Variants in JMJD1C observed in about 807,000 individuals in gnomAD.
JMJD1C encodes jumonji domain containing 1C.
In JMJD1C, 31 loss-of-function variants were observed where a neutral mutation model predicts 245.3. The ratio of observed to expected loss-of-function variants is 0.13; its 90% confidence interval spans 0.09 to 0.17. The LOEUF (loss-of-function observed/expected upper bound fraction) is 0.17, where lower values mean the gene tolerates loss of function less well. Among genes scored for constraint, JMJD1C ranks in the 10% least tolerant of loss-of-function variants. The pLI is 1.00. For missense variants in JMJD1C, 2,691 were observed against 3,000.2 expected (o/e 0.90, Z 2.41); for synonymous variants, 1,057 against 1,017.4 (o/e 1.04, Z -0.74).
At chr10:63,424,497 CTTTTTTT>C (rs59823871) in intron 1 of JMJD1C, among the ~76,000 whole-genome samples, 19 of 103,384 alleles carry the variant, frequency 1.8e-4, no homozygotes, top group Middle Eastern at 8.8e-3. Context: ...ATTATTATTT[CTTTTTTT>C]TTTTTTTTTT....
chr10:63,492,729 A>G lies in JMJD1C; in HGVS notation n.113+29009T>C, dbSNP rs377209189. 4.0e-4 allele frequency among the ~76,000 whole-genome samples: 61 copies of G among 152,312 alleles called. 1 individual carries two copies. In the South Asian group the frequency reaches 0.012, roughly 29 times the overall value. On this transcript the variant is annotated intron_variant and non_coding_transcript_variant, in intron 1 of 3. Transcript: ENST00000633035. The stretch of plus-strand genomic sequence containing the variant: ...ATAAAAGATTATTTTTAAAAAGCAC[A>G]TTAATAAAAATAATCACTAAAAATA...
chr10:63,396,895 T>C (rs1173133686), intron 1 of JMJD1C, among the ~76,000 whole-genome samples: 1 of 149,668 alleles, frequency 6.7e-6, no homozygotes. Flanking sequence ...TATACCTTCA[T>C]ATCACAGCCA....
At chr10:63,393,626 G>C (rs936048697) in intron 1 of JMJD1C, among the ~76,000 whole-genome samples, 10 of 152,076 alleles carry the variant, frequency 6.6e-5, no homozygotes, top group Non-Finnish European at 1.5e-4. Flanking sequence ...CCAAGATATG[G>C]AATCAACCTG....
chr10:63,186,420 T>C lies in JMJD1C; in HGVS notation c.6571-37A>G, dbSNP rs150264825. 9,096 of 1,479,390 alleles carry C rather than the reference T, an allele frequency of 6.1e-3. 90 individuals are homozygous for C. Among genetic ancestry groups the C allele is most frequent in the African/African-American group, 0.034 (2,357 of 70,102 alleles). 91.6% of individuals were successfully genotyped at this position (1,479,390 alleles called of 1,614,324 possible). On this transcript the variant is annotated intron_variant, in intron 18 of 25. Transcript: ENST00000399262. ...ATAAATAAATAACAGTTAAAAGATA[T>C]ATAGACTTTCTTTTTTGTTTGTTTG...
chr10:63,497,069 G>C (rs1954387343), intron 1 of JMJD1C, among the ~76,000 whole-genome samples: 1 of 152,020 alleles, frequency 6.6e-6, no homozygotes, highest in Admixed American at 6.6e-5. Flanking sequence ...AATACATGAG[G>C]ATAAAAAGAG....
At chr10:63,204,450 C>T (rs1564599871) in intron 10 of JMJD1C, 2 of 985,272 alleles carry the variant, frequency 2.0e-6, no homozygotes, top group Non-Finnish European at 2.4e-6. Context: ...TTTAACTTCA[C>T]AAGAGTTTTC....
intron 1 of JMJD1C, among the ~76,000 whole-genome samples, chr10:63,433,522 TCTC>T (rs769868082): frequency 1.3e-5 from 2 of 151,780 alleles, no homozygotes; most frequent in African/African-American, 2.4e-5. Flanking sequence ...AATATTCATA[TCTC>T]CTCAATGACA....
chr10:63,200,220 T>C (rs2133078201), intron 11 of JMJD1C, among the ~76,000 whole-genome samples: 1 of 152,306 alleles, frequency 6.6e-6, no homozygotes, highest in East Asian at 1.9e-4. Context: ...AAAAAATCAT[T>C]TTCTCATTAA....
chr10:63,214,181 A>G lies in JMJD1C; in HGVS notation c.1986T>C (p.Tyr662=), dbSNP rs776828385. ...SPDSVKSKAT[Y]VNSQATGERR... is the part of the protein sequence containing the mutation. ...TTTCACCAGTAGCTTGGCTGTTCAC[A>G]TAAGTGGCCTTAGACTTTACAGAAT... Residue 662 remains tyrosine (Y), a synonymous_variant, in exon 8 of 26, where the codon TAT becomes TAC. Coordinates refer to ENST00000399262, the MANE Select transcript of JMJD1C (RefSeq NM_032776.3). 10 of 1,614,160 alleles carry G rather than the reference A, an allele frequency of 6.2e-6. No homozygotes were observed. The highest frequency in any genetic ancestry group is 3.3e-5 in the South Asian group (3 of 91,086).
chr10:63,387,952 AT>A (rs1564864276), intron 1 of JMJD1C, among the ~76,000 whole-genome samples: 2 of 152,100 alleles, frequency 1.3e-5, no homozygotes, highest in Non-Finnish European at 2.9e-5. Flanking sequence ...GAAAATTTAA[AT>A]TTCCTTAAAG....
At chr10:63,320,589 G>C (rs1184566391) in intron 2 of JMJD1C, among the ~76,000 whole-genome samples, 1 of 152,192 alleles carries the variant, frequency 6.6e-6, no homozygotes, top group Non-Finnish European at 1.5e-5. Flanking sequence ...CCTTGGGAAA[G>C]TAGCTTCACT....
At chr10:63,289,800 T>C (rs1858423454) in intron 2 of JMJD1C, among the ~76,000 whole-genome samples, 1 of 152,156 alleles carries the variant, frequency 6.6e-6, no homozygotes, top group South Asian at 2.1e-4. Context: ...TACATAAATA[T>C]TAGATCACAG....
intron 2 of JMJD1C, among the ~76,000 whole-genome samples, chr10:63,336,053 G>A (rs573357254): frequency 4.0e-5 from 6 of 151,756 alleles, no homozygotes; most frequent in Admixed American, 1.3e-4. Context: ...CCTCGCAGGC[G>A]GAGGCTGCGG....
rs188447553 is a variant in JMJD1C, at chr10:63,336,737, C to T, written c.333+43581G>A. On this transcript the variant is annotated intron_variant, in intron 2 of 25. Transcript: ENST00000399262. ...CCTATATTAGAAAACCCTGACAATC[C>T]GATATCAACTTGTCATTTTCCCTTA... 1.1e-3 allele frequency among the ~76,000 whole-genome samples: 172 copies of T among 152,222 alleles called. 1 individual carries two copies. Among genetic ancestry groups the T allele is most frequent in the East Asian group, 5.0e-3 (26 of 5,182 alleles).
intron 1 of JMJD1C, among the ~76,000 whole-genome samples, chr10:63,402,851 G>C (rs184957793): frequency 3.9e-5 from 6 of 151,958 alleles, no homozygotes; most frequent in Non-Finnish European, 5.9e-5. Flanking sequence ...AGCATTCCAG[G>C]GTACTAGAAT....
At chr10:63,381,523 CTCTG>C (rs898727585) in intron 1 of JMJD1C, among the ~76,000 whole-genome samples, 2 of 152,088 alleles carry the variant, frequency 1.3e-5, no homozygotes, top group African/African-American at 2.4e-5. Context: ...CAGAATGAGA[CTCTG>C]TCTATTCAAA....
intron 2 of JMJD1C, among the ~76,000 whole-genome samples, chr10:63,316,596 C>T (rs903929299): frequency 6.6e-6 from 1 of 152,068 alleles, no homozygotes; most frequent in Non-Finnish European, 1.5e-5. Context: ...CCCAGGTGCC[C>T]ACCATGATGC....
intron 1 of JMJD1C, among the ~76,000 whole-genome samples, chr10:63,506,688 A>G (rs1016946175): frequency 4.6e-5 from 7 of 152,192 alleles, no homozygotes; most frequent in African/African-American, 1.4e-4. Flanking sequence ...GCCTGTCCCT[A>G]CACAGACACA....
At chr10:63,436,249 T>C (rs1466921597) in intron 1 of JMJD1C, among the ~76,000 whole-genome samples, 1 of 152,198 alleles carries the variant, frequency 6.6e-6, no homozygotes, top group Non-Finnish European at 1.5e-5. Flanking sequence ...AAGCTAACCA[T>C]AAATATTCAG....
Sources: allele counts gnomAD v4.1 joint callset (sites outside exome capture counted in the v4.1 genomes callset), GRCh38; gene constraint gnomAD v4.1.1; transcripts MANE v1.5; gene names NCBI Gene and HGNC (gene_info 2026-07-23, HGNC 2026-07-21).